Variants in PCDH10 observed in about 807,000 individuals in gnomAD.
The protein encoded by PCDH10 is protocadherin 10.
PCDH10 carries 15 observed loss-of-function variants against 74.4 expected under a neutral mutation model. The observed-to-expected ratio is 0.20, with a 90% CI of 0.13 to 0.31. PCDH10 has a LOEUF of 0.31. Ranked by LOEUF, PCDH10 falls within the 10% of genes least tolerant of loss-of-function variation. The probability of loss-of-function intolerance (pLI) is 1.00; values close to 1 mark genes in which losing one functional copy is unlikely to be tolerated. For synonymous variants in PCDH10, 619 were observed against 589.8 expected (o/e 1.05, Z -0.72); for missense variants, 1,260 against 1,390.2 (o/e 0.91, Z 1.49).
At chr4:133,172,125 T>TGACC (rs1248273678) in intron 4 of PCDH10, among the ~76,000 whole-genome samples, 1 of 152,040 alleles carries the variant, frequency 6.6e-6, no homozygotes, top group Non-Finnish European at 1.5e-5. Flanking sequence ...TGACAACTCT[T>TGACC]GACCAAACAT....
chr4:133,152,577 C>T lies in PCDH10; in HGVS notation c.2437C>T (p.His813Tyr). 1 of 1,614,146 alleles carries T rather than the reference C, an allele frequency of 6.2e-7. No individual in the cohort carries two copies. Among genetic ancestry groups the T allele is most frequent in the Non-Finnish European group, 8.5e-7 (1 of 1,180,036 alleles). The stretch of plus-strand genomic sequence containing the variant: ...AGAGGAGTCCGGGGGCTTTGGCTCC[C>T]ACCACCACAACCAGAATTACTGCTA... ...PIEESGGFGS[H>Y]HHNQNYCYQV... The change falls in exon 1 of 5, where the codon CAC becomes TAC. Residue 813 changes from histidine (H) to tyrosine (Y), a missense_variant. Physicochemically the swap from His to Tyr is moderately conservative, Grantham distance 83. Transcript: ENST00000264360.
intron 4 of PCDH10, 96 bp downstream of exon 4, chr4:133,163,378 T>C: frequency 1.7e-6 from 2 of 1,162,390 alleles, no homozygotes; most frequent in South Asian, 1.6e-5. Context: ...TTCAGGTTTT[T>C]TTAAGAAATA....
chr4:133,165,472 A>G (rs1035915117), intron 4 of PCDH10, among the ~76,000 whole-genome samples: 4 of 151,746 alleles, frequency 2.6e-5, no homozygotes, highest in African/African-American at 9.7e-5. Flanking sequence ...TCAAATTCAT[A>G]TGGTGATAGT....
rs1171937215 is a variant in PCDH10, at chr4:133,150,446, C to G, written c.306C>G (p.Pro102=). ...ACCTGGAGGTCTTTCTGGAGAACCC[C>G]CTGGAGCTGTTCCAGGTGGAGATCG... ...VLHLEVFLEN[P]LELFQVEIEV... The change falls in exon 1 of 5, where the codon CCC becomes CCG. Residue 102 remains proline, a synonymous_variant. Coordinates refer to ENST00000264360, the MANE Select transcript of PCDH10 (RefSeq NM_032961.3). 1 of 1,613,878 alleles carries G rather than the reference C, an allele frequency of 6.2e-7. No homozygotes were observed. The highest frequency in any genetic ancestry group is 1.3e-5 in the African/African-American group (1 of 74,868).
rs1460235815 is a variant in PCDH10 at position 133,149,960 on chromosome 4, AT to A, written c.-179del. On this transcript the variant is annotated 5_prime_UTR_variant, in exon 1 of 5. The change creates a new upstream start codon in the 5' untranslated region. Transcript: ENST00000264360. ...AAGATTTAAAAAAAAATGAGGCTGG[AT>A]TGCGGGAAGCTCTAAAATGAAGCAA... 27 of 787,916 alleles carry A rather than the reference AT, an allele frequency of 3.4e-5. 1 individual carries two copies. In the African/African-American group the frequency reaches 3.9e-4, roughly 11 times the overall value. 48.8% of individuals were successfully genotyped at this position (787,916 alleles called of 1,614,324 possible).
chr4:133,195,258 T>C (rs1291858545), downstream of PCDH10, among the ~76,000 whole-genome samples: 1 of 152,114 alleles, frequency 6.6e-6, no homozygotes, highest in African/African-American at 2.4e-5. Flanking sequence ...CTGATTTTCT[T>C]GAGTGCAAAC....
rs1350056973 is a variant in PCDH10, at chr4:133,193,996, C to T, written c.*3836C>T. The T allele has an allele frequency of 6.6e-6, 1 of 151,690 alleles. No individual in the cohort carries two copies. Among genetic ancestry groups the T allele is most frequent in the Non-Finnish European group, 1.5e-5 (1 of 67,718 alleles). 9.4% of individuals were successfully genotyped at this position (151,690 alleles called of 1,614,324 possible). On this transcript the variant is annotated 3_prime_UTR_variant, in exon 5 of 5. Coordinates refer to ENST00000264360, the MANE Select transcript of PCDH10 (RefSeq NM_032961.3). ...ACAAACATCCCTCTGCTAAGTCAGA[C>T]AAAATCCTTATACAGTAATTTGTGA...
chr4:133,180,483 A>C lies in PCDH10; in HGVS notation c.3104-9658A>C, dbSNP rs914434870. On this transcript the variant is annotated intron_variant, in intron 4 of 4. Transcript: ENST00000264360. Reference sequence around the variant, plus strand: ...TTGTAGTAATGAATGGGTACATCAGATGCTATTTTTTTAATATCATGTTGA... The same window carrying C: ...TTGTAGTAATGAATGGGTACATCAGCTGCTATTTTTTTAATATCATGTTGA... 7.9e-5 allele frequency among the ~76,000 whole-genome samples: 12 copies of C among 151,950 alleles called. No homozygotes were observed. In the East Asian group the frequency reaches 2.3e-3, roughly 29 times the overall value.
At chr4:133,169,378 A>G (rs1239603794) in intron 4 of PCDH10, among the ~76,000 whole-genome samples, 1 of 151,872 alleles carries the variant, frequency 6.6e-6, no homozygotes, top group Non-Finnish European at 1.5e-5. Context: ...AATCGATCAA[A>G]GTTAATTACA....
Position 133,150,812 on chromosome 4 carries a change from G to A in PCDH10, c.672G>A (p.Leu224=). Residue 224 remains leucine, a synonymous_variant, in exon 1 of 5, where the codon CTG becomes CTA. Transcript: ENST00000264360. ...GGGGAGGTGGCGGGGGAGCAGGCCT[G>A]CCCCCCCAGCAGCAGCGCACCGGCA... The part of the protein sequence containing the change: ...EGGGGGGGAG[L]PPQQQRTGTA... 6.3e-7 allele frequency: 1 copy of A among 1,585,774 alleles called. No individual in the cohort carries two copies. The highest frequency in any genetic ancestry group is 8.6e-7 in the Non-Finnish European group (1 of 1,167,724).
At chr4:133,204,607 G>A (rs1214050837) in intron 2 of PCDH10, among the ~76,000 whole-genome samples, 1 of 152,148 alleles carries the variant, frequency 6.6e-6, no homozygotes, top group Non-Finnish European at 1.5e-5. Flanking sequence ...AGTGGTGCTG[G>A]AACCAATTAG....
intron 4 of PCDH10, among the ~76,000 whole-genome samples, chr4:133,173,268 A>G (rs1176572473): frequency 1.3e-5 from 2 of 152,016 alleles, no homozygotes; most frequent in African/African-American, 4.8e-5. Flanking sequence ...GAGGAAAAGT[A>G]AAGAGGTGAC....
Position 133,193,598 on chromosome 4 carries a change from A to G in PCDH10, c.*3438A>G, listed in dbSNP as rs1727726050. 6.6e-6 allele frequency: 1 copy of G among 151,662 alleles called. No individual in the cohort carries two copies. The highest frequency in any genetic ancestry group is 2.4e-5 in the African/African-American group (1 of 41,412). The allele number at this position is 151,662 out of a possible 1,614,324, so 9.4% of individuals were successfully genotyped here. ...AGCTCAGTTAGTCTTTAAAACAATT[A>G]CTCAGGCAGAGTGTGGCAAAAGTTC... On this transcript the variant is annotated 3_prime_UTR_variant, in exon 5 of 5. Transcript: ENST00000264360.
chr4:133,150,060 ATT>A lies in PCDH10; in HGVS notation c.-73_-72del. 1 of 1,430,128 alleles carries A rather than the reference ATT, an allele frequency of 7.0e-7. No homozygotes were observed. The highest frequency in any genetic ancestry group is 9.2e-7 in the Non-Finnish European group (1 of 1,086,076). The allele number at this position is 1,430,128 out of a possible 1,614,324, so 88.6% of individuals were successfully genotyped here. On this transcript the variant is annotated 5_prime_UTR_variant, in exon 1 of 5. Coordinates refer to ENST00000264360, the MANE Select transcript of PCDH10 (RefSeq NM_032961.3). Reference sequence around the variant, plus strand: ...CGCACTTTTATTTGTATTTTTTCAGATTTTTTTTTGTTTCGTGGTGGTGGGGG... The same window carrying A: ...CGCACTTTTATTTGTATTTTTTCAGATTTTTTTGTTTCGTGGTGGTGGGGG...
rs1727717174 is a variant in PCDH10, at chr4:133,193,162, A to G, written c.*3002A>G. 1 of 151,684 alleles carries G rather than the reference A, an allele frequency of 6.6e-6. No individual in the cohort carries two copies. The highest frequency in any genetic ancestry group is 1.5e-5 in the Non-Finnish European group (1 of 67,646). The allele number at this position is 151,684 out of a possible 1,614,324, so 9.4% of individuals were successfully genotyped here. ...AATTTTTAGAAAATATTTCATCCACATGTAGAATTCTAATTTTTAACGTGT... is the reference window on the plus strand; with the variant it reads ...AATTTTTAGAAAATATTTCATCCACGTGTAGAATTCTAATTTTTAACGTGT... On this transcript the variant is annotated 3_prime_UTR_variant, in exon 5 of 5. Transcript: ENST00000264360.
chr4:133,152,695 C>T lies in PCDH10; in HGVS notation c.2555C>T (p.Pro852Leu). The T allele has an allele frequency of 6.2e-7, 1 of 1,614,198 alleles. No homozygotes were observed. Among genetic ancestry groups the T allele is most frequent in the Non-Finnish European group, 8.5e-7 (1 of 1,180,048 alleles). The change falls in exon 1 of 5, where the codon CCC (proline) becomes CTC (leucine). Residue 852 changes from proline to leucine, a missense_variant. Physicochemically the swap from Pro to Leu is moderately conservative, Grantham distance 98 (BLOSUM62 -3). Coordinates refer to ENST00000264360, the MANE Select transcript of PCDH10 (RefSeq NM_032961.3). Reference protein sequence around the residue: ...PSRSTDTEHNPCGAIVTGYTD... With the variant: ...PSRSTDTEHNLCGAIVTGYTD... ...CGGAGTACGGACACTGAGCACAACC[C>T]CTGCGGGGCCATCGTCACCGGTTAC...
chr4:133,174,789 T>C, intron 4 of PCDH10, among the ~76,000 whole-genome samples: 1 of 151,668 alleles, frequency 6.6e-6, no homozygotes, highest in Middle Eastern at 3.5e-3. Context: ...TATTATGGAG[T>C]GATGTGAAGA....
In PCDH10 at chr4:133,150,164, C is replaced by T; in HGVS notation, c.24C>T (p.Ala8=). 2 of 1,566,530 alleles carry T rather than the reference C, an allele frequency of 1.3e-6. No homozygotes were observed. Among genetic ancestry groups the T allele is most frequent in the South Asian group, 1.2e-5 (1 of 82,954 alleles). Residue 8 remains alanine (A), a synonymous_variant, in exon 1 of 5, where the codon GCC becomes GCT. Coordinates refer to ENST00000264360, the MANE Select transcript of PCDH10 (RefSeq NM_032961.3). ...AGATGATTGTGCTATTATTGTTTGC[C>T]TTGCTCTGGATGGTGGAAGGAGTCT... MIVLLLF[A]LLWMVEGVFS...
At chr4:133,184,581 G>A (rs1727492431) in intron 4 of PCDH10, among the ~76,000 whole-genome samples, 1 of 150,732 alleles carries the variant, frequency 6.6e-6, no homozygotes, top group African/African-American at 2.4e-5. Flanking sequence ...CAGGATCACA[G>A]CACTGCACAC....
Sources: allele counts gnomAD v4.1 joint callset (sites outside exome capture counted in the v4.1 genomes callset), GRCh38; gene constraint gnomAD v4.1.1; transcripts MANE v1.5; gene names NCBI Gene and HGNC (gene_info 2026-07-23, HGNC 2026-07-21).